The following PLPP1 variants were observed in gnomAD, a reference collection of about 807,000 sequenced individuals.
The protein encoded by PLPP1 is phospholipid phosphatase 1, also known as lipid phosphate phosphohydrolase 1a.
PLPP1 carries 24 observed loss-of-function variants against 31.2 expected under a neutral mutation model. The observed-to-expected ratio is 0.77, with a 90% CI of 0.56 to 1.08. The LOEUF (loss-of-function observed/expected upper bound fraction) is 1.08, where lower values mean the gene tolerates loss of function less well. Ranked by LOEUF, PLPP1 falls within the 50% of genes least tolerant of loss-of-function variation. The pLI, the probability that PLPP1 is intolerant of heterozygous loss-of-function variation, is 0.00. For synonymous variants in PLPP1, 146 were observed against 126.3 expected, an observed-to-expected ratio of 1.16 and a Z score of -1.05; for missense variants, 319 against 342.7, an observed-to-expected ratio of 0.93 and a Z score of 0.55.
intron 1 of PLPP1, among the ~76,000 whole-genome samples, chr5:55,485,784 A>T (rs1180098068): frequency 6.6e-6 from 1 of 152,150 alleles, no homozygotes; most frequent in Non-Finnish European, 1.5e-5. Context: ...ATATTACAAA[A>T]ATCTTTCTAT....
intron 1 of PLPP1, among the ~76,000 whole-genome samples, chr5:55,497,225 T>A (rs1245059955): frequency 2.0e-5 from 3 of 151,632 alleles, no homozygotes; most frequent in Non-Finnish European, 4.4e-5. Context: ...CTAAAAGAGG[T>A]GAAGAATGAA....
chr5:55,428,777 C>G (rs1403044684), intron 4 of PLPP1, among the ~76,000 whole-genome samples: 1 of 152,186 alleles, frequency 6.6e-6, no homozygotes, highest in Non-Finnish European at 1.5e-5. Flanking sequence ...ACTCTTCTCT[C>G]CTCCCCATAC....
At chr5:55,468,186 CAAGCAGGCACTTTAA>C in intron 2 of PLPP1, 37 bp from the exon 3 acceptor site, 1 of 1,496,064 alleles carries the variant, frequency 6.7e-7, no homozygotes, top group Non-Finnish European at 9.0e-7. Context: ...GTTAAAGTAG[CAAGCAGGCACTTTAA>C]ACAAAACAAA....
At chr5:55,495,181 G>C (rs1402972429) in intron 1 of PLPP1, among the ~76,000 whole-genome samples, 1 of 151,690 alleles carries the variant, frequency 6.6e-6, no homozygotes, top group Non-Finnish European at 1.5e-5. Flanking sequence ...ATAAAATTCA[G>C]GGTAAAGATC....
intron 1 of PLPP1, among the ~76,000 whole-genome samples, chr5:55,528,789 T>C (rs1740559294): frequency 6.6e-6 from 1 of 152,238 alleles, no homozygotes; most frequent in East Asian, 1.9e-4. Flanking sequence ...GATTCTCTTT[T>C]ATGTTCTTTT....
Position 55,459,162 on chromosome 5 carries a change from T to C in PLPP1, c.491+8707A>G, listed in dbSNP as rs967321420. Among the ~76,000 whole-genome samples, 14 of 147,886 alleles carry C rather than the reference T, an allele frequency of 9.5e-5. No homozygotes were observed. In the South Asian group the frequency reaches 1.1e-3, roughly 11 times the overall value. On this transcript the variant is annotated intron_variant, in intron 3 of 5. Transcript: ENST00000307259. ...GACTATATATTAATATCAGGCAAAATAGACTTTAAAACAAAGAATATTTCT... is the reference window on the plus strand; with the variant it reads ...GACTATATATTAATATCAGGCAAAACAGACTTTAAAACAAAGAATATTTCT...
rs549419944 is a variant in PLPP1 at position 55,424,986 on chromosome 5, T to G, written c.*220A>C. 6 of 678,800 alleles carry G rather than the reference T, an allele frequency of 8.8e-6. No homozygotes were observed. Among genetic ancestry groups the G allele is most frequent in the Middle Eastern group, 3.9e-4 (1 of 2,582 alleles). The allele number at this position is 678,800 out of a possible 1,614,324, so 42.0% of individuals were successfully genotyped here. ...AAATGTATACAGGTGGGGCACTGTT[T>G]TGGTGGAAGGCTTGGAGTTTTTTTA... On this transcript the variant is annotated 3_prime_UTR_variant, in exon 6 of 6. Transcript: ENST00000307259.
At chr5:55,509,985 A>G (rs1391539738) in intron 1 of PLPP1, among the ~76,000 whole-genome samples, 2 of 152,218 alleles carry the variant, frequency 1.3e-5, no homozygotes, top group Admixed American at 6.5e-5. Context: ...AAGCAAGGAG[A>G]TAACTGAGGT....
At chr5:55,458,774 G>A (rs970521896) in intron 3 of PLPP1, among the ~76,000 whole-genome samples, 2 of 150,952 alleles carry the variant, frequency 1.3e-5, no homozygotes, top group Non-Finnish European at 2.9e-5. Context: ...TGTAATCCCA[G>A]CTACTCGGGA....
intron 4 of PLPP1, among the ~76,000 whole-genome samples, chr5:55,436,857 T>G (rs1036787304): frequency 2.6e-5 from 4 of 152,188 alleles, no homozygotes; most frequent in African/African-American, 9.7e-5. Flanking sequence ...CCCCAAAATT[T>G]GTATACTGAA....
chr5:55,425,112 T>C lies in PLPP1; in HGVS notation c.*94A>G. On this transcript the variant is annotated 3_prime_UTR_variant, in exon 6 of 6. Coordinates refer to ENST00000307259, the MANE Select transcript of PLPP1 (RefSeq NM_003711.4). The stretch of plus-strand genomic sequence containing the variant: ...AGCAGCAGCAGAAGTCTTTAAAGGC[T>C]TGTACACCAGGAAGAAAGATGCATC... The C allele has an allele frequency of 6.8e-7, 1 of 1,472,024 alleles. No homozygotes were observed. Among genetic ancestry groups the C allele is most frequent in the Non-Finnish European group, 9.2e-7 (1 of 1,090,930 alleles). The allele number at this position is 1,472,024 out of a possible 1,614,324, so 91.2% of individuals were successfully genotyped here.
intron 1 of PLPP1, among the ~76,000 whole-genome samples, chr5:55,490,388 G>C (rs1360908817): frequency 6.6e-6 from 1 of 152,044 alleles, no homozygotes; most frequent in Admixed American, 6.5e-5. Flanking sequence ...GACCTCAGGT[G>C]ATCAGCCCAT....
chr5:55,534,923 C>A lies in PLPP1; in HGVS notation c.-294G>T, dbSNP rs1234385003. 1 of 418,344 alleles carries A rather than the reference C, an allele frequency of 2.4e-6. No homozygotes were observed. Among genetic ancestry groups the A allele is most frequent in the Non-Finnish European group, 4.3e-6 (1 of 234,170 alleles). The allele number at this position is 418,344 out of a possible 1,614,324, so 25.9% of individuals were successfully genotyped here. A position where few individuals can be genotyped will look rare whatever the true frequency, so the allele number is the denominator to read the frequency against. ...TCAGGACCTCCTCAGCCGGCACGGC[C>A]TGCCCCGGTTGCTCCCCGTCCGGAT... is the stretch of plus-strand genomic sequence containing the variant. On this transcript the variant is annotated 5_prime_UTR_variant, in exon 1 of 6. In the 5' UTR this introduces an upstream ATG that the reference lacks. Coordinates refer to ENST00000307259, the MANE Select transcript of PLPP1 (RefSeq NM_003711.4).
chr5:55,425,944 A>G lies in PLPP1; in HGVS notation c.645T>C (p.Leu215=). Residue 215 remains leucine, a synonymous_variant, in exon 5 of 6, where the codon CTT becomes CTC. Transcript: ENST00000307259. ...GLVAVSIYVG[L]SRVSDYKHHW... is the part of the protein sequence containing the mutation. ...GGTGTTTATAATCAGAAACTCGAGA[A>G]AGGCCCACATAAATGGATACGGCAA... is the stretch of plus-strand genomic sequence containing the variant. 6.2e-7 allele frequency: 1 copy of G among 1,614,080 alleles called. No homozygotes were observed. The highest frequency in any genetic ancestry group is 8.5e-7 in the Non-Finnish European group (1 of 1,179,984).
At chr5:55,443,212 T>TATACACAC (rs1169152710) in intron 3 of PLPP1, among the ~76,000 whole-genome samples, 1 of 105,004 alleles carries the variant, frequency 9.5e-6, no homozygotes, top group African/African-American at 3.9e-5. Flanking sequence ...TATATATATA[T>TATACACAC]ACACACACAC....
intron 3 of PLPP1, among the ~76,000 whole-genome samples, chr5:55,453,025 TG>T (rs1751926065): frequency 5.3e-5 from 2 of 37,888 alleles, no homozygotes; most frequent in South Asian, 2.9e-3. Flanking sequence ...GTATTCAATG[TG>T]GTTTTTTTCC....
At chr5:55,444,125 A>C (rs1412740131) in intron 3 of PLPP1, among the ~76,000 whole-genome samples, 1 of 148,078 alleles carries the variant, frequency 6.8e-6, no homozygotes, top group African/African-American at 2.5e-5. Context: ...TGTATTGCCC[A>C]GACTGGAGTG....
In PLPP1 at chr5:55,534,561, C is replaced by T. The variant is rs1403558689; in HGVS notation, c.58+11G>A. On this transcript the variant is annotated intron_variant, in intron 1 of 5. Coordinates refer to ENST00000307259, the MANE Select transcript of PLPP1 (RefSeq NM_003711.4). ...CGCACACGCCCCTCGGACCCGGCGGCGCGTACGTACCCAGCAACACGCAGA... is the reference window on the plus strand; with the variant it reads ...CGCACACGCCCCTCGGACCCGGCGGTGCGTACGTACCCAGCAACACGCAGA... 1 of 1,532,368 alleles carries T rather than the reference C, an allele frequency of 6.5e-7. No homozygotes were observed. Among genetic ancestry groups the T allele is most frequent in the Non-Finnish European group, 8.8e-7 (1 of 1,141,582 alleles). The allele number at this position is 1,532,368 out of a possible 1,614,324, so 94.9% of individuals were successfully genotyped here. A position where few individuals can be genotyped will look rare whatever the true frequency, so the allele number is the denominator to read the frequency against.
At chr5:55,513,982 G>A (rs569457321) in intron 1 of PLPP1, among the ~76,000 whole-genome samples, 2 of 152,196 alleles carry the variant, frequency 1.3e-5, no homozygotes, top group African/African-American at 2.4e-5. Context: ...TCAAACTTAC[G>A]GAAATCAGAC....
Sources: gnomAD v4.1 joint callset for allele counts (sites outside exome capture counted in the v4.1 genomes callset) on GRCh38, gnomAD v4.1.1 for gene constraint, MANE v1.5 for transcripts, NCBI Gene and HGNC (gene_info 2026-07-23, HGNC 2026-07-21) for gene names.